Variants in NTM observed in about 807,000 individuals in gnomAD.
NTM encodes neurotrimin, also known as IgLON family member 2.
A neutral mutation model predicts 42.1 loss-of-function variants in NTM; 13 were observed. The observed-to-expected ratio is 0.31, with a 90% CI of 0.20 to 0.49. NTM has a LOEUF of 0.49. NTM is among the 20% of genes least tolerant of loss of function. The pLI, the probability that NTM is intolerant of heterozygous loss-of-function variation, is 0.99. For synonymous variants in NTM, 187 were observed against 179.2 expected, an observed-to-expected ratio of 1.04 and a Z score of -0.35; for missense variants, 373 against 452.8, an observed-to-expected ratio of 0.82 and a Z score of 1.60.
intron 1 of NTM, among the ~76,000 whole-genome samples, chr11:131,786,358 CTGTTTTACCA>C (rs1219645770): frequency 2.0e-5 from 3 of 152,216 alleles, no homozygotes; most frequent in African/African-American, 7.2e-5. Flanking sequence ...GGGGTTATAT[CTGTTTTACCA>C]TGTTTACGCT....
At chr11:131,723,836 G>T (rs2078647920) in intron 1 of NTM, among the ~76,000 whole-genome samples, 1 of 152,112 alleles carries the variant, frequency 6.6e-6, no homozygotes, top group Admixed American at 6.6e-5. Flanking sequence ...GCATGTGTGT[G>T]TGTGTGCATG....
chr11:131,846,968 G>C (rs1024725766), intron 1 of NTM, among the ~76,000 whole-genome samples: 16 of 152,176 alleles, frequency 1.1e-4, no homozygotes, highest in African/African-American at 3.9e-4. Flanking sequence ...AACCTGCAGT[G>C]AGAAAGGTCT....
chr11:131,660,171 AGTGTCCCGTAGGACTCGG>A (rs1181622053), intron 1 of NTM: 1 of 209,236 alleles, frequency 4.8e-6, no homozygotes, highest in Non-Finnish European at 1.0e-5. Context: ...GGGTTCTCAA[AGTGTCCCGTAGGACTCGG>A]GTGGGCCAGT....
intron 2 of NTM, among the ~76,000 whole-genome samples, chr11:132,064,076 G>A (rs2081080317): frequency 6.6e-6 from 1 of 152,162 alleles, no homozygotes; most frequent in Non-Finnish European, 1.5e-5. Flanking sequence ...GCAGTGTGAG[G>A]AAGAGAGGAG....
Position 131,896,679 on chromosome 11 carries a change from CTTTTTTTTTT to C in NTM, c.83-14871_83-14862del, listed in dbSNP as rs71067345. Among the ~76,000 whole-genome samples the C allele has an allele frequency of 0.024, 2,383 of 100,644 alleles. 205 individuals are homozygous for C. The East Asian group carries it at 0.25, about 11-fold the overall frequency. The allele number at this position is 100,644 out of a possible 152,430, so 66.0% of individuals were successfully genotyped here. On this transcript the variant is annotated intron_variant, in intron 1 of 8. Coordinates refer to ENST00000683400, the MANE Select transcript of NTM (RefSeq NM_001352005.2). ...CATGCCAAATGGAGTACATTTTAGG[CTTTTTTTTTT>C]TTTTTTTTTTTTTCTCTGAGACGGA...
At chr11:131,598,744 T>TTTCTTTCTTTC (rs2060089123) in intron 1 of NTM, among the ~76,000 whole-genome samples, 1 of 78,470 alleles carries the variant, frequency 1.3e-5, no homozygotes, top group Non-Finnish European at 2.8e-5. Context: ...TCTTTCTTTC[T>TTTCTTTCTTTC]TTCTTTCTTT....
intron 1 of NTM, among the ~76,000 whole-genome samples, chr11:131,518,716 C>G (rs2049205113): frequency 6.6e-6 from 1 of 152,144 alleles, no homozygotes; most frequent in Non-Finnish European, 1.5e-5. Context: ...TGCATACTTT[C>G]CTCATCTTTC....
chr11:132,137,980 G>A (rs542771640), intron 2 of NTM, among the ~76,000 whole-genome samples: 403 of 152,196 alleles, frequency 2.6e-3, no homozygotes, highest in African/African-American at 8.9e-3. Flanking sequence ...TAAGCTCCCC[G>A]TTTCCATCCT....
At chr11:131,786,633 G>A (rs746101798) in intron 1 of NTM, among the ~76,000 whole-genome samples, 1 of 152,088 alleles carries the variant, frequency 6.6e-6, no homozygotes. Flanking sequence ...GACATATACA[G>A]CCATGATTGT....
At chr11:131,866,060 C>A (rs1469336692) in intron 1 of NTM, among the ~76,000 whole-genome samples, 2 of 148,760 alleles carry the variant, frequency 1.3e-5, no homozygotes, top group African/African-American at 4.9e-5. Context: ...ACACACTACA[C>A]ACACACCCCA....
intron 4 of NTM, among the ~76,000 whole-genome samples, chr11:132,250,212 C>T (rs1255741237): frequency 6.6e-6 from 1 of 152,224 alleles, no homozygotes; most frequent in Admixed American, 6.5e-5. Context: ...CTCAGTTCTG[C>T]TGTTGAGAAG....
chr11:132,282,823 C>A (rs2139860845), intron 4 of NTM, among the ~76,000 whole-genome samples: 1 of 152,102 alleles, frequency 6.6e-6, no homozygotes, highest in South Asian at 2.1e-4. Context: ...TAGGCATTAA[C>A]TTAACTTCTT....
intron 2 of NTM, among the ~76,000 whole-genome samples, chr11:132,025,087 G>A (rs1201375677): frequency 2.0e-5 from 3 of 152,188 alleles, no homozygotes; most frequent in Admixed American, 6.5e-5. Context: ...TGGAGTCATG[G>A]GATTCAGCTA....
intron 2 of NTM, among the ~76,000 whole-genome samples, chr11:131,935,448 A>C (rs1221883091): frequency 6.6e-6 from 1 of 152,164 alleles, no homozygotes; most frequent in Non-Finnish European, 1.5e-5. Flanking sequence ...TTAGTCATAA[A>C]TATTTGTCCT....
At chr11:131,675,684 T>C (rs551138054) in intron 1 of NTM, among the ~76,000 whole-genome samples, 10 of 152,258 alleles carry the variant, frequency 6.6e-5, no homozygotes, top group African/African-American at 2.2e-4. Context: ...ACATTTCTCA[T>C]CATGTGACCC....
At chr11:132,104,026 T>C (rs572157633) in intron 2 of NTM, among the ~76,000 whole-genome samples, 3 of 152,222 alleles carry the variant, frequency 2.0e-5, no homozygotes, top group Admixed American at 6.5e-5. Context: ...TGTGTGTTGT[T>C]TAGGAAGGTC....
At chr11:131,497,648 C>A (rs1191417829) in intron 1 of NTM, among the ~76,000 whole-genome samples, 1 of 152,170 alleles carries the variant, frequency 6.6e-6, no homozygotes, top group African/African-American at 2.4e-5. Flanking sequence ...CTGTTAATTT[C>A]CTTTAAAATT....
At chr11:131,810,531 C>T (rs1038556816) in intron 1 of NTM, among the ~76,000 whole-genome samples, 4 of 152,154 alleles carry the variant, frequency 2.6e-5, no homozygotes, top group Non-Finnish European at 4.4e-5. Context: ...GGAATGAGCA[C>T]GAGCGGCAGG....
chr11:132,329,263 C>T (rs1184730406), intron 7 of NTM, among the ~76,000 whole-genome samples: 1 of 152,148 alleles, frequency 6.6e-6, no homozygotes, highest in Non-Finnish European at 1.5e-5. Context: ...TCTCTGTATC[C>T]AGGGTGAACG....
Sources: allele counts gnomAD v4.1 joint callset (sites outside exome capture counted in the v4.1 genomes callset), GRCh38; gene constraint gnomAD v4.1.1; transcripts MANE v1.5; gene names NCBI Gene and HGNC (gene_info 2026-07-23, HGNC 2026-07-21).